MYO16: variants seen among roughly 807,000 people sequenced by gnomAD.
MYO16 encodes the protein unconventional myosin-XVI.
MYO16 carries 94 observed loss-of-function variants against 205.3 expected under a neutral mutation model. That is an observed-to-expected ratio of 0.46 (90% CI 0.39 to 0.54). MYO16 has a LOEUF of 0.54. MYO16 is among the 20% of genes least tolerant of loss of function. The pLI, the probability that MYO16 is intolerant of heterozygous loss-of-function variation, is 0.00. For missense variants in MYO16, 2,315 were observed against 2,387.5 expected, an observed-to-expected ratio of 0.97 and a Z score of 0.63; for synonymous variants, 988 against 954.0, an observed-to-expected ratio of 1.04 and a Z score of -0.66.
At chr13:108,725,482 G>T (rs9555499) in intron 3 of MYO16, among the ~76,000 whole-genome samples, 5,086 of 152,204 alleles carry the variant, frequency 0.033, 227 homozygotes, top group East Asian at 0.21. Flanking sequence ...AAATTTTTTA[G>T]TTGGGAACAG....
At chr13:108,871,483 A>G (rs906295596) in intron 12 of MYO16, among the ~76,000 whole-genome samples, 2 of 152,148 alleles carry the variant, frequency 1.3e-5, no homozygotes, top group African/African-American at 2.4e-5. Flanking sequence ...TCTTCCTTCC[A>G]AGAAGATTTG....
At chr13:108,632,059 CA>C (rs1880007161) in intron 1 of MYO16, among the ~76,000 whole-genome samples, 1 of 89,212 alleles carries the variant, frequency 1.1e-5, no homozygotes. Context: ...GCCTGGGTGA[CA>C]AGAGCAAAAC....
intron 1 of MYO16, among the ~76,000 whole-genome samples, chr13:108,638,070 G>A (rs762758308): frequency 1.3e-5 from 2 of 152,128 alleles, no homozygotes; most frequent in Non-Finnish European, 2.9e-5. Flanking sequence ...TGGAAGCAGA[G>A]TGGACTTGAG....
intron 28 of MYO16, among the ~76,000 whole-genome samples, chr13:109,118,019 T>C (rs1875809739): frequency 1.3e-5 from 2 of 152,158 alleles, no homozygotes; most frequent in African/African-American, 4.8e-5. Flanking sequence ...CTCAGATGGT[T>C]TGCTGTCTTC....
the MYO16 span, among the ~76,000 whole-genome samples, chr13:108,569,630 C>G: frequency 6.6e-6 from 1 of 152,026 alleles, no homozygotes; most frequent in African/African-American, 2.4e-5. Flanking sequence ...CTCCAGATAC[C>G]CTTTATTCTT....
intron 27 of MYO16, among the ~76,000 whole-genome samples, chr13:109,070,063 T>C (rs1293584104): frequency 6.6e-6 from 1 of 152,212 alleles, no homozygotes; most frequent in Non-Finnish European, 1.5e-5. Flanking sequence ...AATCTAATAC[T>C]GTATGTGGCT....
rs750536718 is a variant in MYO16, at chr13:109,009,065, A to G, written c.2595+16A>G. On this transcript the variant is annotated intron_variant, in intron 22 of 34. Transcript: ENST00000457511. ...TTTTTTCCAGGTATTCATATAATATAATTAGATACTTAACAGGATATATGG... is the reference window on the plus strand; with the variant it reads ...TTTTTTCCAGGTATTCATATAATATGATTAGATACTTAACAGGATATATGG... 1 of 1,559,024 alleles carries G rather than the reference A, an allele frequency of 6.4e-7. No individual in the cohort carries two copies. The highest frequency in any genetic ancestry group is 8.7e-7 in the Non-Finnish European group (1 of 1,154,448).
the MYO16 span, among the ~76,000 whole-genome samples, chr13:108,559,867 A>C: frequency 6.6e-6 from 1 of 152,162 alleles, no homozygotes; most frequent in Non-Finnish European, 1.5e-5. Flanking sequence ...CAGGAACACT[A>C]AATTTTCCAT....
chr13:108,906,944 A>G (rs919028569), intron 15 of MYO16, among the ~76,000 whole-genome samples: 4 of 152,196 alleles, frequency 2.6e-5, no homozygotes, highest in African/African-American at 7.2e-5. Flanking sequence ...ATCATGAATA[A>G]TGAGATGGAA....
At chr13:109,194,254 G>A (rs1442066541) in intron 34 of MYO16, among the ~76,000 whole-genome samples, 1 of 152,120 alleles carries the variant, frequency 6.6e-6, no homozygotes, top group Non-Finnish European at 1.5e-5. Flanking sequence ...AACATATGAA[G>A]CACATTTATT....
chr13:109,063,259 T>G (rs1280871928), intron 27 of MYO16, among the ~76,000 whole-genome samples: 1 of 152,188 alleles, frequency 6.6e-6, no homozygotes, highest in East Asian at 1.9e-4. Flanking sequence ...CTATTTTGAT[T>G]AAATATAGAA....
chr13:108,614,206 C>A (rs993817288), intron 1 of MYO16, among the ~76,000 whole-genome samples: 1 of 151,928 alleles, frequency 6.6e-6, no homozygotes, highest in Non-Finnish European at 1.5e-5. Context: ...AATGAACTTA[C>A]AAAAACAATT....
At chr13:108,809,542 A>C (rs955036710) in intron 7 of MYO16, among the ~76,000 whole-genome samples, 4 of 152,130 alleles carry the variant, frequency 2.6e-5, no homozygotes, top group African/African-American at 9.7e-5. Flanking sequence ...GCAGGAGCAG[A>C]AAGAGAGTTG....
intron 9 of MYO16, among the ~76,000 whole-genome samples, chr13:108,843,864 T>G (rs1401067447): frequency 6.6e-6 from 1 of 152,144 alleles, no homozygotes; most frequent in Non-Finnish European, 1.5e-5. Context: ...ATATTATTAT[T>G]TTTAATTCTC....
At chr13:108,825,490 CA>C (rs1266167922) in intron 9 of MYO16, among the ~76,000 whole-genome samples, 1 of 151,756 alleles carries the variant, frequency 6.6e-6, no homozygotes, top group Non-Finnish European at 1.5e-5. Context: ...TCAGTTACCC[CA>C]TAAGATGAGG....
intron 33 of MYO16, among the ~76,000 whole-genome samples, chr13:109,167,834 G>GC (rs1293190168): frequency 2.0e-5 from 3 of 151,816 alleles, no homozygotes; most frequent in African/African-American, 7.3e-5. Context: ...TAAAATAACT[G>GC]CCCCCCAAAA....
chr13:108,576,524 C>T, the MYO16 span, among the ~76,000 whole-genome samples: 1 of 152,142 alleles, frequency 6.6e-6, no homozygotes, highest in African/African-American at 2.4e-5. Flanking sequence ...TTATTCGACA[C>T]ACAAAATGTA....
chr13:108,936,364 T>A (rs1451877364), intron 16 of MYO16, among the ~76,000 whole-genome samples: 1 of 152,056 alleles, frequency 6.6e-6, no homozygotes, highest in Non-Finnish European at 1.5e-5. Context: ...GAGCTTTTTT[T>A]GGTTGGTAGG....
chr13:108,922,831 A>G (rs766911357), intron 16 of MYO16, among the ~76,000 whole-genome samples: 11 of 152,226 alleles, frequency 7.2e-5, no homozygotes, highest in Non-Finnish European at 1.6e-4. Flanking sequence ...TAAATCATGT[A>G]ATTAAAATGA....
Sources: gnomAD v4.1 joint callset for allele counts (sites outside exome capture counted in the v4.1 genomes callset) on GRCh38, gnomAD v4.1.1 for gene constraint, MANE v1.5 for transcripts, NCBI Gene and HGNC (gene_info 2026-07-23, HGNC 2026-07-21) for gene names.